Variants in DIAPH2 observed in about 807,000 individuals in gnomAD.
DIAPH2 encodes the protein protein diaphanous homolog 2.
In DIAPH2, 35 loss-of-function variants were observed where a neutral mutation model predicts 92.7. The observed-to-expected ratio is 0.38, with a 90% CI of 0.29 to 0.50. The LOEUF (loss-of-function observed/expected upper bound fraction) is 0.50. Ranked by LOEUF, DIAPH2 falls within the 20% of genes least tolerant of loss-of-function variation. The pLI is 0.94. For missense variants in DIAPH2, 701 were observed against 819.5 expected (o/e 0.86, Z 1.77); for synonymous variants, 301 against 280.4 (o/e 1.07, Z -0.73).
intron 26 of DIAPH2, among the ~76,000 whole-genome samples, chrX:97,563,359 G>A (rs1033478015): frequency 3.6e-5 from 4 of 111,692 alleles, no homozygotes; most frequent in African/African-American, 9.8e-5. Context: ...GAGGTCAGTA[G>A]CATGTCTAAA....
chrX:97,384,292 A>G (rs1320132029), intron 25 of DIAPH2, among the ~76,000 whole-genome samples: 2 of 111,495 alleles, frequency 1.8e-5, no homozygotes, highest in Non-Finnish European at 3.8e-5. Context: ...TTCTTGCCAT[A>G]GTATATTATA....
intron 3 of DIAPH2, among the ~76,000 whole-genome samples, chrX:96,753,632 A>G (rs193257324): frequency 8.9e-6 from 1 of 112,267 alleles, no homozygotes; most frequent in East Asian, 2.8e-4. Flanking sequence ...ACTTCAGCCC[A>G]AATTATTGAA....
intron 26 of DIAPH2, among the ~76,000 whole-genome samples, chrX:97,534,765 A>G (rs1396777462): frequency 2.7e-5 from 3 of 111,586 alleles, no homozygotes; most frequent in African/African-American, 9.8e-5. Flanking sequence ...TAAGTCTCTA[A>G]TGCCTTTTGG....
At chrX:96,752,226 GA>G (rs1183195097) in intron 3 of DIAPH2, among the ~76,000 whole-genome samples, 7 of 111,453 alleles carry the variant, frequency 6.3e-5, no homozygotes, top group Non-Finnish European at 1.1e-4. Context: ...TATTTCTATA[GA>G]ATAAAATGAG....
At chrX:96,984,728 G>T (rs1452784958) in intron 17 of DIAPH2, among the ~76,000 whole-genome samples, 1 of 111,213 alleles carries the variant, frequency 9.0e-6, no homozygotes, top group Non-Finnish European at 1.9e-5. Context: ...GGTTCTGCAC[G>T]TTCCTTAGCC....
At chrX:96,703,024 C>G (rs754779070) in intron 1 of DIAPH2, among the ~76,000 whole-genome samples, 2 of 111,642 alleles carry the variant, frequency 1.8e-5, no homozygotes, top group African/African-American at 6.5e-5. Flanking sequence ...AACAGACATT[C>G]AGTCCATGAC....
Position 96,929,904 on chromosome X carries a change from A to G in DIAPH2, c.979-829A>G, listed in dbSNP as rs765666658. ...TTGAGCAGCATTTTCCAAAAATGCTACTTAGGAATAATTTATGGAATACCT... is the reference window on the plus strand; with the variant it reads ...TTGAGCAGCATTTTCCAAAAATGCTGCTTAGGAATAATTTATGGAATACCT... On this transcript the variant is annotated intron_variant, in intron 9 of 26. Transcript: ENST00000324765. Among the ~76,000 whole-genome samples the G allele has an allele frequency of 3.8e-3, 427 of 110,973 alleles. 1 individual carries two copies. Among genetic ancestry groups the G allele is most frequent in the Middle Eastern group, 0.019 (4 of 210 alleles).
intron 4 of DIAPH2, among the ~76,000 whole-genome samples, chrX:96,774,737 C>T (rs2064364596): frequency 8.9e-6 from 1 of 111,781 alleles, no homozygotes; most frequent in African/African-American, 3.2e-5. Flanking sequence ...TTCTTATGCA[C>T]GCTTGCCTTT....
intron 20 of DIAPH2, among the ~76,000 whole-genome samples, chrX:97,110,801 G>A (rs767952501): frequency 1.3e-3 from 148 of 110,363 alleles, no homozygotes; most frequent in Non-Finnish European, 2.2e-3. Context: ...GGCTAACACG[G>A]TGAAACCCCG....
chrX:97,115,683 C>T (rs1002870589), intron 21 of DIAPH2, among the ~76,000 whole-genome samples: 2 of 111,939 alleles, frequency 1.8e-5, no homozygotes, highest in Admixed American at 1.9e-4. Flanking sequence ...TTATTCTACT[C>T]TAAGATAATA....
chrX:96,895,860 C>T (rs1285866058), intron 5 of DIAPH2, among the ~76,000 whole-genome samples: 1 of 112,019 alleles, frequency 8.9e-6, no homozygotes, highest in Non-Finnish European at 1.9e-5. Context: ...CCCAAAATGG[C>T]TGACCAATGT....
At chrX:97,302,943 C>T (rs2068719282) in intron 23 of DIAPH2, among the ~76,000 whole-genome samples, 1 of 112,383 alleles carries the variant, frequency 8.9e-6, no homozygotes, top group African/African-American at 3.2e-5. Flanking sequence ...GAGATCGCGC[C>T]ACTGCACTCC....
intron 15 of DIAPH2, among the ~76,000 whole-genome samples, chrX:96,957,101 A>G (rs1210400919): frequency 8.9e-6 from 1 of 112,217 alleles, no homozygotes; most frequent in Admixed American, 9.4e-5. Flanking sequence ...GCTCACTGCA[A>G]CCTCTGCCTC....
chrX:96,763,321 A>G (rs1460620278), intron 4 of DIAPH2, among the ~76,000 whole-genome samples: 1 of 111,735 alleles, frequency 8.9e-6, no homozygotes, highest in African/African-American at 3.2e-5. Flanking sequence ...TTTTAGAACT[A>G]GAATATGCTT....
In DIAPH2 at chrX:96,942,079, A is replaced by T; in HGVS notation, c.1387A>T (p.Met463Leu). 2 of 1,191,965 alleles carry T rather than the reference A, an allele frequency of 1.7e-6. No individual in the cohort carries two copies. Among genetic ancestry groups the T allele is most frequent in the Non-Finnish European group, 2.3e-6 (2 of 877,941 alleles). ...ACAGATAGTGCTACACTGCAGTGGT[A>T]TGGATCCAGACTTCAAATACAGGCA... is the stretch of plus-strand genomic sequence containing the variant. The part of the protein sequence containing the change: ...VSQIVLHCSG[M>L]DPDFKYRQRL... The change falls in exon 13 of 27, where the codon ATG becomes TTG. Residue 463 changes from methionine (M) to leucine (L), a missense_variant. Physicochemically the swap from Met to Leu is conservative, Grantham distance 15 (BLOSUM62 2). Around this residue, in one of 3 missense-constraint regions of DIAPH2, gnomAD observed 536 missense variants for 599.3 expected, o/e 0.89. Coordinates refer to ENST00000324765, the MANE Select transcript of DIAPH2 (RefSeq NM_006729.5).
At chrX:97,296,983 G>T (rs1314187690) in intron 23 of DIAPH2, among the ~76,000 whole-genome samples, 1 of 107,124 alleles carries the variant, frequency 9.3e-6, no homozygotes, top group Non-Finnish European at 1.9e-5. Flanking sequence ...CTCCATGTTG[G>T]TCAGGCTGGT....
At chrX:97,158,556 A>G (rs1048356316) in intron 22 of DIAPH2, among the ~76,000 whole-genome samples, 5 of 112,558 alleles carry the variant, frequency 4.4e-5, no homozygotes, top group African/African-American at 1.6e-4. Context: ...GTTGCTTTTT[A>G]TAGAGCTTTC....
At chrX:97,454,827 C>G (rs1333499217) in intron 26 of DIAPH2, among the ~76,000 whole-genome samples, 1 of 108,823 alleles carries the variant, frequency 9.2e-6, no homozygotes, top group Non-Finnish European at 1.9e-5. Context: ...TGCACTCCAG[C>G]CTGGTGACAG....
rs2071598007 is a variant in DIAPH2 at position 97,601,809 on chromosome X, CTTATT to C, written c.*2494_*2498del. On this transcript the variant is annotated 3_prime_UTR_variant, in exon 27 of 27. Transcript: ENST00000324765. ...ATATGATGGCTTAACACAACAGAAACTTATTTGCTTACATTTTTGAAGGGCAGCAA... is the reference window on the plus strand; with the variant it reads ...ATATGATGGCTTAACACAACAGAAACTGCTTACATTTTTGAAGGGCAGCAA... 1 of 106,255 alleles carries C rather than the reference CTTATT, an allele frequency of 9.4e-6. No homozygotes were observed. The highest frequency in any genetic ancestry group is 4.0e-5 in the African/African-American group (1 of 25,194). The allele number at this position is 106,255 out of a possible 1,213,427, so 8.8% of individuals were successfully genotyped here. A position where few individuals can be genotyped will look rare whatever the true frequency, so the allele number is the denominator to read the frequency against.
Sources: gnomAD v4.1 joint callset for allele counts (sites outside exome capture counted in the v4.1 genomes callset) on GRCh38, gnomAD v4.1.1 for gene constraint, gnomAD v4.1.1 regional missense constraint, MANE v1.5 for transcripts, NCBI Gene and HGNC (gene_info 2026-07-23, HGNC 2026-07-21) for gene names.